LARS2: variants seen among roughly 807,000 people sequenced by gnomAD.
The protein encoded by LARS2 is leucine--tRNA ligase, mitochondrial.
Under a neutral mutation model 116.6 loss-of-function variants are expected in LARS2, and 81 were observed. That is an observed-to-expected ratio of 0.69 (90% confidence interval 0.58 to 0.84). The LOEUF (loss-of-function observed/expected upper bound fraction) is 0.84. LARS2 is among the 40% of genes least tolerant of loss of function. The probability of loss-of-function intolerance (pLI) is 0.00; values close to 1 mark genes in which losing one functional copy is unlikely to be tolerated. For synonymous variants in LARS2, 396 were observed against 407.2 expected, an observed-to-expected ratio of 0.97 and a Z score of 0.33; for missense variants, 968 against 1,114.5, an observed-to-expected ratio of 0.87 and a Z score of 1.87.
intron 8 of LARS2, among the ~76,000 whole-genome samples, chr3:45,461,060 C>T (rs1185701258): frequency 6.6e-6 from 1 of 151,916 alleles, no homozygotes. Context: ...AAAGGCATTC[C>T]AATAGAAATA....
At chr3:45,472,740 C>T (rs1699547081) in intron 8 of LARS2, among the ~76,000 whole-genome samples, 1 of 152,168 alleles carries the variant, frequency 6.6e-6, no homozygotes, top group South Asian at 2.1e-4. Flanking sequence ...TCAGCTACAT[C>T]TTGCTTCAAG....
intron 16 of LARS2, 92 bp from the exon 17 acceptor site, chr3:45,516,002 A>AT: frequency 2.1e-6 from 2 of 949,620 alleles, no homozygotes; most frequent in East Asian, 5.2e-5. Context: ...GACACTTTCC[A>AT]TCGCTCACCC....
chr3:45,417,337 G>C, intron 4 of LARS2, 145 bp from the exon 5 acceptor site: 2 of 647,408 alleles, frequency 3.1e-6, no homozygotes, highest in Non-Finnish European at 5.6e-6. Flanking sequence ...TAGGTAGCCA[G>C]CTGGCTGTCA....
intron 8 of LARS2, 41 bp from the exon 9 acceptor site, chr3:45,474,202 C>A: frequency 7.7e-7 from 1 of 1,301,982 alleles, no homozygotes; most frequent in South Asian, 1.3e-5. Flanking sequence ...CTTAAATAAG[C>A]CTTGTGCCTC....
chr3:45,484,630 A>AAAAATATATATATATATATATATAT (rs1553634443), intron 10 of LARS2, among the ~76,000 whole-genome samples: 1 of 9,740 alleles, frequency 1.0e-4, no homozygotes, highest in African/African-American at 1.8e-4. Context: ...AAAAAAAAAA[A>AAAAATATATATATATATATATATAT]ATATATATAT....
chr3:45,513,620 C>A (rs951343917), intron 16 of LARS2, among the ~76,000 whole-genome samples: 3 of 152,190 alleles, frequency 2.0e-5, no homozygotes, highest in African/African-American at 7.2e-5. Flanking sequence ...GTGTTTCTCC[C>A]AACATGTTCT....
At chr3:45,415,240 CCTT>C (rs1698394483) in intron 4 of LARS2, among the ~76,000 whole-genome samples, 1 of 152,134 alleles carries the variant, frequency 6.6e-6, no homozygotes, top group South Asian at 2.1e-4. Flanking sequence ...TATCTCAAAA[CCTT>C]CTTTGTGCTT....
chr3:45,467,645 A>C (rs931586173), intron 8 of LARS2, among the ~76,000 whole-genome samples: 4 of 152,228 alleles, frequency 2.6e-5, no homozygotes, highest in African/African-American at 9.6e-5. Flanking sequence ...TCCCAGTGTC[A>C]GAGTTTTTGG....
Position 45,491,910 on chromosome 3 carries a change from C to T in LARS2, c.1523+110C>T. 4 of 1,054,042 alleles carry T rather than the reference C, an allele frequency of 3.8e-6. No homozygotes were observed. In the South Asian group the frequency reaches 6.2e-5, roughly 16 times the overall value. The allele number at this position is 1,054,042 out of a possible 1,614,324, so 65.3% of individuals were successfully genotyped here. ...CTAACTCTGCTCCCTTTTTCCCTGA[C>T]TTCCATGAGGCTGGAAAGAACACTG... is the stretch of plus-strand genomic sequence containing the variant. On this transcript the variant is annotated intron_variant, in intron 13 of 21. Transcript: ENST00000645846.
chr3:45,464,686 T>A (rs1419519423), intron 8 of LARS2, among the ~76,000 whole-genome samples: 1 of 152,138 alleles, frequency 6.6e-6, no homozygotes, highest in South Asian at 2.1e-4. Flanking sequence ...CACTTCCTCC[T>A]CCTGTGTGTG....
At chr3:45,483,493 A>G (rs929098642) in intron 10 of LARS2, among the ~76,000 whole-genome samples, 1 of 151,936 alleles carries the variant, frequency 6.6e-6, no homozygotes, top group Non-Finnish European at 1.5e-5. Flanking sequence ...TACTAAAAAT[A>G]CAAAAATTAG....
At chr3:45,389,716 G>T (rs1026370407) in intron 1 of LARS2, among the ~76,000 whole-genome samples, 10 of 152,204 alleles carry the variant, frequency 6.6e-5, no homozygotes, top group African/African-American at 2.4e-4. Context: ...GGAGGAGCCC[G>T]AGCTAAGGAA....
intron 10 of LARS2, among the ~76,000 whole-genome samples, chr3:45,479,840 T>C (rs74882225): frequency 0.013 from 2,001 of 152,220 alleles, 30 homozygotes; most frequent in African/African-American, 0.046. Context: ...ATTCAAACCC[T>C]GGGGCTTTGG....
At chr3:45,535,691 T>C (rs1298077676) in intron 20 of LARS2, among the ~76,000 whole-genome samples, 1 of 152,124 alleles carries the variant, frequency 6.6e-6, no homozygotes, top group African/African-American at 2.4e-5. Flanking sequence ...CTTCTGGCTC[T>C]TGGCTGTGTT....
At chr3:45,438,553 C>T (rs1032528313) in intron 6 of LARS2, among the ~76,000 whole-genome samples, 1 of 151,512 alleles carries the variant, frequency 6.6e-6, no homozygotes, top group Non-Finnish European at 1.5e-5. Flanking sequence ...TGTGGTGGCT[C>T]ATGCCTGTAA....
In LARS2 at chr3:45,547,362, AG is replaced by A; in HGVS notation, c.2545del (p.Ala849LeufsTer95). 1 of 1,609,290 alleles carries A rather than the reference AG, an allele frequency of 6.2e-7. No homozygotes were observed. The highest frequency in any genetic ancestry group is 8.5e-7 in the Non-Finnish European group (1 of 1,178,390). Reference sequence around the variant, plus strand: ...TTTCTCCTTCTCAGATCAACAATAAAGCTTGTGGCAAAATTCCTGTGCCCCA... The same window carrying A: ...TTTCTCCTTCTCAGATCAACAATAAACTTGTGGCAAAATTCCTGTGCCCCA... ...VQMAVLINNK[A>X]CGKIPVPQQV... On this transcript the variant is annotated frameshift_variant, in exon 22 of 22. Coordinates refer to ENST00000645846, the MANE Select transcript of LARS2 (RefSeq NM_015340.4). LOFTEE classifies it high-confidence loss of function.
chr3:45,402,645 C>T lies in LARS2; in HGVS notation c.363+2272C>T, dbSNP rs565956343. 9.2e-5 allele frequency among the ~76,000 whole-genome samples: 14 copies of T among 152,268 alleles called. No homozygotes were observed. The East Asian group carries it at 1.7e-3, about 19-fold the overall frequency. Reference sequence around the variant, plus strand: ...AAGAAGTATTCCTAAAAGAGGGTCACGTTGTAATGTCTTTGTCACTTGAAG... The same window carrying T: ...AAGAAGTATTCCTAAAAGAGGGTCATGTTGTAATGTCTTTGTCACTTGAAG... On this transcript the variant is annotated intron_variant, in intron 4 of 21. Coordinates refer to ENST00000645846, the MANE Select transcript of LARS2 (RefSeq NM_015340.4).
intron 20 of LARS2, among the ~76,000 whole-genome samples, chr3:45,537,390 G>A (rs1265537185): frequency 1.3e-5 from 2 of 152,160 alleles, no homozygotes; most frequent in East Asian, 3.8e-4. Context: ...GTTGTGAAAT[G>A]TAGCTATTGT....
intron 20 of LARS2, among the ~76,000 whole-genome samples, chr3:45,539,739 T>G (rs1700762966): frequency 6.6e-6 from 1 of 152,156 alleles, no homozygotes; most frequent in Non-Finnish European, 1.5e-5. Flanking sequence ...ATATTATTAC[T>G]ATTTCCTTCC....
Sources: allele counts gnomAD v4.1 joint callset (sites outside exome capture counted in the v4.1 genomes callset), GRCh38; gene constraint gnomAD v4.1.1; transcripts MANE v1.5; gene names NCBI Gene and HGNC (gene_info 2026-07-23, HGNC 2026-07-21).